QRICH2: variants seen among roughly 807,000 people sequenced by gnomAD.
QRICH2 encodes glutamine-rich protein 2.
In QRICH2, 119 loss-of-function variants were observed where a neutral mutation model predicts 168.3. The observed-to-expected ratio is 0.71, with a 90% CI of 0.61 to 0.82. The LOEUF (loss-of-function observed/expected upper bound fraction) is 0.82. QRICH2 is among the 40% of genes least tolerant of loss of function. The pLI, the probability that QRICH2 is intolerant of heterozygous loss-of-function variation, is 0.00. For missense variants in QRICH2, 2,241 were observed against 2,491.6 expected, an observed-to-expected ratio of 0.90 and a Z score of 2.14; for synonymous variants, 894 against 951.2, an observed-to-expected ratio of 0.94 and a Z score of 1.11.
In QRICH2 at chr17:76,293,569, C is replaced by T. The variant is rs757651848; in HGVS notation, c.1158G>A (p.Arg386=). ...VPASQSQVHL[R]PDRRGLEPTG... ...TTGGTTCTAACCCACGACGATCTGG[C>T]CTTAGATGGACCTGACTCTGGCTAG... Residue 386 remains arginine, a synonymous_variant, in exon 4 of 19, where the codon AGG becomes AGA. Coordinates refer to ENST00000680821, the MANE Select transcript of QRICH2 (RefSeq NM_001388453.1). 3 of 1,614,196 alleles carry T rather than the reference C, an allele frequency of 1.9e-6. No individual in the cohort carries two copies. Among genetic ancestry groups the T allele is most frequent in the Non-Finnish European group, 2.5e-6 (3 of 1,180,040 alleles).
rs988743037 is a variant in QRICH2, at chr17:76,274,225, C to G, written c.5518G>C (p.Glu1840Gln). The G allele has an allele frequency of 1.3e-6, 2 of 1,597,766 alleles. No homozygotes were observed. Among genetic ancestry groups the G allele is most frequent in the Admixed American group, 3.6e-5 (2 of 55,782 alleles). ...GTGTTCGGCTGGGAGAGACGGCCCT[C>G]GGAGGAAGGTCTATCTTTCTGTTGA... is the stretch of plus-strand genomic sequence containing the variant. ...SRQQKDRPSS[E>Q]GRLSQPNTAH... Residue 1840 changes from glutamate (E) to glutamine (Q), a missense_variant, in exon 19 of 19, where the codon GAG (glutamate) becomes CAG (glutamine). Glu to Gln is a conservative substitution (Grantham distance 29, BLOSUM62 2). Around this residue, in one of 3 missense-constraint regions of QRICH2, gnomAD observed 189 missense variants for 169.3 expected, o/e 1.12. Transcript: ENST00000680821.
Position 76,279,064 on chromosome 17 carries a change from C to T in QRICH2, c.4893G>A (p.Glu1631=). The T allele has an allele frequency of 6.2e-7, 1 of 1,613,982 alleles. No individual in the cohort carries two copies. The highest frequency in any genetic ancestry group is 8.5e-7 in the Non-Finnish European group (1 of 1,180,014). Residue 1631 remains glutamate, a synonymous_variant, in exon 14 of 19, where the codon GAG becomes GAA. Coordinates refer to ENST00000680821, the MANE Select transcript of QRICH2 (RefSeq NM_001388453.1). The part of the protein sequence containing the change: ...SIRPYTVFEL[E]QVRQHSRNLK... Reference sequence around the variant, plus strand: ...ACTTGCGGCTATGCTGCCGGACCTGCTCCAGTTCAAACACCGTGTAGGGGC... The same window carrying T: ...ACTTGCGGCTATGCTGCCGGACCTGTTCCAGTTCAAACACCGTGTAGGGGC...
chr17:76,287,095 G>A, intron 7 of QRICH2, 97 bp downstream of exon 7: 2 of 674,952 alleles, frequency 3.0e-6, no homozygotes, highest in South Asian at 3.0e-5. Flanking sequence ...CACATGATGG[G>A]AGGGACCTAG....
At chr17:76,277,946 C>A in intron 15 of QRICH2, 43 bp downstream of exon 15, 1 of 1,593,390 alleles carries the variant, frequency 6.3e-7, no homozygotes, top group South Asian at 1.1e-5. Context: ...CAAGCCTGGT[C>A]ACTGGGTGCC....
intron 3 of QRICH2, among the ~76,000 whole-genome samples, chr17:76,296,069 A>C (rs1489155558): frequency 6.6e-6 from 1 of 152,148 alleles, no homozygotes; most frequent in Non-Finnish European, 1.5e-5. Flanking sequence ...CTAAAAATAC[A>C]AAAACTAGCT....
At chr17:76,279,165 G>C in intron 13 of QRICH2, 23 bp from the exon 14 acceptor site, 1 of 1,586,950 alleles carries the variant, frequency 6.3e-7, no homozygotes, top group Middle Eastern at 1.7e-4. Flanking sequence ...AGAGGGAGAA[G>C]GGGCGGGTCA....
At chr17:76,287,132 G>T in intron 7 of QRICH2, 60 bp downstream of exon 7, 1 of 1,194,664 alleles carries the variant, frequency 8.4e-7, no homozygotes, top group Non-Finnish European at 1.2e-6. Flanking sequence ...GGAGGGCAGG[G>T]CCAAGCCAGC....
At chr17:76,297,663 CAT>C (rs2070818791) in intron 3 of QRICH2, among the ~76,000 whole-genome samples, 1 of 152,102 alleles carries the variant, frequency 6.6e-6, no homozygotes. Flanking sequence ...TCAACACTGG[CAT>C]ATGTGTTAGA....
chr17:76,279,891 T>C lies in QRICH2; in HGVS notation c.4748+142A>G, dbSNP rs2070754475. 3 of 1,008,264 alleles carry C rather than the reference T, an allele frequency of 3.0e-6. No homozygotes were observed. In the African/African-American group the frequency reaches 4.9e-5, roughly 16 times the overall value. 62.5% of individuals were successfully genotyped at this position (1,008,264 alleles called of 1,614,324 possible). A position where few individuals can be genotyped will look rare whatever the true frequency, so the allele number is the denominator to read the frequency against. ...TAGAAGAGCGTTTCAAGCTCTAAAA[T>C]TCTGTCCCTCCAACCATGGGACAGT... On this transcript the variant is annotated intron_variant, in intron 12 of 18. Coordinates refer to ENST00000680821, the MANE Select transcript of QRICH2 (RefSeq NM_001388453.1).
chr17:76,304,852 G>A (rs780589594), intron 2 of QRICH2, 30 bp downstream of exon 2: 2 of 1,538,358 alleles, frequency 1.3e-6, no homozygotes, highest in East Asian at 4.5e-5. Context: ...CCCCTGGAGA[G>A]CCCTTTCCCA....
In QRICH2 at chr17:76,292,405, AG is replaced by A. The variant is rs759152497; in HGVS notation, c.2321del (p.Pro774LeufsTer23). On this transcript the variant is annotated frameshift_variant, in exon 4 of 19. Coordinates refer to ENST00000680821, the MANE Select transcript of QRICH2 (RefSeq NM_001388453.1). LOFTEE classifies it high-confidence loss of function. The stretch of plus-strand genomic sequence containing the variant: ...GTGCCAAACCATGCTGATCCACTCC[AG>A]GTTGGACCAAACCATGCTGATCTGC... ...PGADQHGLVQ[P>X]GVDQHGLAQP... The A allele has an allele frequency of 9.3e-6, 15 of 1,611,712 alleles. No homozygotes were observed. The highest frequency in any genetic ancestry group is 1.7e-5 in the Admixed American group (1 of 59,932).
rs868163353 is a variant in QRICH2 at position 76,281,775 on chromosome 17, C to T, written c.4263+89G>A. 6.6e-6 allele frequency: 10 copies of T among 1,524,672 alleles called. No individual in the cohort carries two copies. The highest frequency in any genetic ancestry group is 4.8e-5 in the South Asian group (4 of 83,026). 94.4% of individuals were successfully genotyped at this position (1,524,672 alleles called of 1,614,324 possible). On this transcript the variant is annotated intron_variant, in intron 8 of 18. Transcript: ENST00000680821. The surrounding 1 kb of genome is among the most constrained non-coding windows in gnomAD (Gnocchi z 4.4). ...GAGCTGACCTTGAGGCCCAAACACCCGCCCCACTTCTGTGGGTCTGCAGCA... is the reference window on the plus strand; with the variant it reads ...GAGCTGACCTTGAGGCCCAAACACCTGCCCCACTTCTGTGGGTCTGCAGCA...
At chr17:76,275,712 C>T in intron 18 of QRICH2, 107 bp downstream of exon 18, 1 of 1,412,228 alleles carries the variant, frequency 7.1e-7, no homozygotes, top group Admixed American at 2.5e-5. Flanking sequence ...CTTCGGCTCC[C>T]AGGCCCTCCC....
At chr17:76,288,146 G>A (rs937556337) in intron 5 of QRICH2, among the ~76,000 whole-genome samples, 1 of 152,110 alleles carries the variant, frequency 6.6e-6, no homozygotes, top group Admixed American at 6.6e-5. Flanking sequence ...ACTTTTGAGA[G>A]GCCGAGGCGG....
In QRICH2 at chr17:76,307,416, G is replaced by A. The variant is rs1401719392; in HGVS notation, c.534+49C>T. On this transcript the variant is annotated intron_variant, in intron 1 of 18. Transcript: ENST00000680821. This position sits in a 1 kb window ranked among gnomAD's most constrained non-coding sequence, Gnocchi z 5.3. Reference sequence around the variant, plus strand: ...GGGGACTCGGCTAGGCCTGGAGGGCGGCCTGGAGGAGGCAGACGGCCTGCG... The same window carrying A: ...GGGGACTCGGCTAGGCCTGGAGGGCAGCCTGGAGGAGGCAGACGGCCTGCG... 6.9e-6 allele frequency: 11 copies of A among 1,600,048 alleles called. No homozygotes were observed. Among genetic ancestry groups the A allele is most frequent in the Non-Finnish European group, 7.7e-6 (9 of 1,168,604 alleles).
At chr17:76,309,074 A>G (rs987099132), upstream of QRICH2, among the ~76,000 whole-genome samples, 1 of 145,562 alleles carries the variant, frequency 6.9e-6, no homozygotes, top group Admixed American at 6.8e-5. Flanking sequence ...TCTCAAAAAA[A>G]CGGCCAGGCT....
chr17:76,281,366 C>T lies in QRICH2; in HGVS notation c.4264-413G>A, dbSNP rs535782888. Among the ~76,000 whole-genome samples the T allele has an allele frequency of 2.0e-5, 3 of 152,210 alleles. No homozygotes were observed. Among genetic ancestry groups the T allele is most frequent in the Middle Eastern group, 3.4e-3 (1 of 294 alleles). On this transcript the variant is annotated intron_variant, in intron 8 of 18. Transcript: ENST00000680821. This position sits in a 1 kb window ranked among gnomAD's most constrained non-coding sequence, Gnocchi z 4.4. ...GAGGCTCAGGAGTGATGTGCTGTCC[C>T]GGGGCACTTGAGAGCTGGGCTGTGG...
At position 76,278,118 on chromosome 17, in the gene QRICH2, G is replaced by A; in HGVS notation, c.4988C>T (p.Ser1663Phe). The change falls in exon 15 of 19, where the codon TCC becomes TTC. Residue 1663 changes from serine to phenylalanine, a missense_variant. Ser to Phe is a radical substitution (Grantham distance 155, BLOSUM62 -2). Coordinates refer to ENST00000680821, the MANE Select transcript of QRICH2 (RefSeq NM_001388453.1). ...GTTCATCAGCATCTTGGAGTGCATG[G>A]AGCGCAGGCGCCCCACGCTCTGCTC... ...QMEQSVGRLR[S>F]MHSKMLMNIE... 1 of 1,613,360 alleles carries A rather than the reference G, an allele frequency of 6.2e-7. No homozygotes were observed. The highest frequency in any genetic ancestry group is 8.5e-7 in the Non-Finnish European group (1 of 1,180,020).
chr17:76,290,789 A>G (rs550105623), intron 4 of QRICH2, among the ~76,000 whole-genome samples: 47 of 152,194 alleles, frequency 3.1e-4, no homozygotes, highest in African/African-American at 1.1e-3. Flanking sequence ...AGAGCCTGAC[A>G]AAGCCACAAG....
Sources: gnomAD v4.1 joint callset for allele counts (sites outside exome capture counted in the v4.1 genomes callset) on GRCh38, gnomAD v4.1.1 for gene constraint, gnomAD v4.1.1 regional missense constraint, Gnocchi (gnomAD v3.1) non-coding constraint, MANE v1.5 for transcripts, NCBI Gene and HGNC (gene_info 2026-07-23, HGNC 2026-07-21) for gene names.